Variants in CREB5 observed in about 807,000 individuals in gnomAD.
CREB5 encodes cyclic AMP-responsive element-binding protein 5.
Under a neutral mutation model 57.1 loss-of-function variants are expected in CREB5, and 19 were observed. The observed-to-expected ratio is 0.33, with a 90% CI of 0.23 to 0.49. The LOEUF (loss-of-function observed/expected upper bound fraction) is 0.49, where lower values mean the gene tolerates loss of function less well. Among genes scored for constraint, CREB5 ranks in the 20% least tolerant of loss-of-function variants. CREB5 has a pLI of 0.99. For synonymous variants in CREB5, 238 were observed against 238.3 expected, an observed-to-expected ratio of 1.00 and a Z score of 0.01; for missense variants, 579 against 671.6, an observed-to-expected ratio of 0.86 and a Z score of 1.52.
intron 1 of CREB5, among the ~76,000 whole-genome samples, chr7:28,367,755 C>T (rs962131495): frequency 3.3e-5 from 5 of 152,198 alleles, no homozygotes; most frequent in African/African-American, 4.8e-5. Context: ...TTGCAGTGAG[C>T]TGAGATCCAG....
intron 7 of CREB5, among the ~76,000 whole-genome samples, chr7:28,736,822 CTCTTT>C (rs1201100709): frequency 7.8e-5 from 7 of 90,272 alleles, no homozygotes; most frequent in Admixed American, 4.8e-4. Flanking sequence ...CTCTCTCTCT[CTCTTT>C]TTTTTTTTTT....
At chr7:28,305,346 C>G (rs1785164338) in intron 1 of CREB5, among the ~76,000 whole-genome samples, 1 of 152,202 alleles carries the variant, frequency 6.6e-6, no homozygotes, top group Admixed American at 6.5e-5. Context: ...CTGAATCTCT[C>G]AGAGAACATC....
intron 7 of CREB5, among the ~76,000 whole-genome samples, chr7:28,731,135 A>G (rs1803602984): frequency 6.6e-6 from 1 of 152,170 alleles, no homozygotes; most frequent in South Asian, 2.1e-4. Context: ...GCACTTTGAG[A>G]CTAACACTGA....
At chr7:28,623,912 C>T (rs1422453644) in intron 5 of CREB5, among the ~76,000 whole-genome samples, 2 of 152,080 alleles carry the variant, frequency 1.3e-5, no homozygotes, top group African/African-American at 2.4e-5. Flanking sequence ...TCTACTTTGC[C>T]ACTTTGTAAC....
chr7:28,480,969 A>G (rs1442656360), intron 1 of CREB5, among the ~76,000 whole-genome samples: 1 of 152,226 alleles, frequency 6.6e-6, no homozygotes, highest in African/African-American at 2.4e-5. Flanking sequence ...AACATATGGA[A>G]AATTTAAAAA....
intron 5 of CREB5, among the ~76,000 whole-genome samples, chr7:28,629,486 T>G (rs988238513): frequency 2.6e-5 from 4 of 152,216 alleles, no homozygotes; most frequent in African/African-American, 9.7e-5. Context: ...CTGTATTCAC[T>G]GTTGAGCAGG....
chr7:28,588,823 A>G (rs1796392301), intron 5 of CREB5, among the ~76,000 whole-genome samples: 1 of 152,058 alleles, frequency 6.6e-6, no homozygotes, highest in Non-Finnish European at 1.5e-5. Flanking sequence ...TTCTCTCGGC[A>G]TGAGAATTTT....
intron 1 of CREB5, among the ~76,000 whole-genome samples, chr7:28,377,992 A>G (rs1444370769): frequency 6.6e-6 from 1 of 150,560 alleles, no homozygotes; most frequent in African/African-American, 2.4e-5. Flanking sequence ...CATGCCCTTT[A>G]GGGCTATTAT....
intron 10 of CREB5, 27 bp from the exon 11 acceptor site, chr7:28,819,089 G>A (rs764973169): frequency 4.4e-6 from 7 of 1,605,912 alleles, no homozygotes; most frequent in Non-Finnish European, 6.0e-6. Context: ...GTGTATGTGT[G>A]TGTGTTGTCT....
chr7:28,740,425 A>G (rs1804266655), intron 7 of CREB5, among the ~76,000 whole-genome samples: 1 of 152,120 alleles, frequency 6.6e-6, no homozygotes, highest in Non-Finnish European at 1.5e-5. Context: ...TGCTTATCAC[A>G]AAAGCCACTT....
chr7:28,813,000 T>G (rs1809215544), intron 9 of CREB5, among the ~76,000 whole-genome samples: 1 of 152,112 alleles, frequency 6.6e-6, no homozygotes, highest in South Asian at 2.1e-4. Context: ...AAAATCAAAC[T>G]CCCAGACTTC....
intron 5 of CREB5, among the ~76,000 whole-genome samples, chr7:28,584,359 T>C (rs1051415630): frequency 2.6e-5 from 4 of 152,212 alleles, no homozygotes; most frequent in Non-Finnish European, 5.9e-5. Context: ...ATAGGGTCTG[T>C]AATCAGGTTA....
At chr7:28,533,041 G>A (rs530203426) in intron 4 of CREB5, among the ~76,000 whole-genome samples, 73 of 152,288 alleles carry the variant, frequency 4.8e-4, no homozygotes, top group Middle Eastern at 6.8e-3. Flanking sequence ...TGGATCATGA[G>A]GTCAGGAGTT....
intron 4 of CREB5, among the ~76,000 whole-genome samples, chr7:28,548,690 A>G (rs1032596347): frequency 6.6e-6 from 1 of 152,208 alleles, no homozygotes; most frequent in African/African-American, 2.4e-5. Context: ...AAAACATAGC[A>G]GATTCTTCTT....
chr7:28,695,624 G>A (rs1027710423), intron 5 of CREB5, among the ~76,000 whole-genome samples: 1 of 152,162 alleles, frequency 6.6e-6, no homozygotes, highest in Non-Finnish European at 1.5e-5. Flanking sequence ...GGCCCTAATA[G>A]CATTGGGGTA....
chr7:28,686,649 T>C (rs1800941369), intron 5 of CREB5, among the ~76,000 whole-genome samples: 1 of 151,950 alleles, frequency 6.6e-6, no homozygotes, highest in African/African-American at 2.4e-5. Context: ...GCTTGAATGG[T>C]GATGTAATGC....
rs571322381 is a variant in CREB5 at position 28,501,556 on chromosome 7, C to T, written c.170-6060C>T. On this transcript the variant is annotated intron_variant, in intron 3 of 10. Coordinates refer to ENST00000357727, the MANE Select transcript of CREB5 (RefSeq NM_182898.4). ...CTTCGTTCTGTCTGGAAACCAGTCC[C>T]CTTTGACTAAGAGTATAGGAGAACT... 3.3e-5 allele frequency among the ~76,000 whole-genome samples: 5 copies of T among 152,272 alleles called. No homozygotes were observed. In the South Asian group the frequency reaches 1.0e-3, roughly 32 times the overall value.
At chr7:28,413,092 ATG>A (rs10599936) in intron 1 of CREB5, among the ~76,000 whole-genome samples, 175 bp downstream of exon 1, 6,153 of 147,210 alleles carry the variant, frequency 0.042, 196 homozygotes, top group African/African-American at 0.087. Flanking sequence ...ATGTGGAAGG[ATG>A]TGTGTGTGTG....
chr7:28,637,557 A>G (rs561479321), intron 5 of CREB5, among the ~76,000 whole-genome samples: 17 of 152,282 alleles, frequency 1.1e-4, no homozygotes, highest in Non-Finnish European at 7.4e-5. Context: ...TGGTTTAGAT[A>G]GATTAGGTAG....
Sources: allele counts gnomAD v4.1 joint callset (sites outside exome capture counted in the v4.1 genomes callset), GRCh38; gene constraint gnomAD v4.1.1; transcripts MANE v1.5; gene names NCBI Gene and HGNC (gene_info 2026-07-23, HGNC 2026-07-21).